The following CENPW variants were observed in gnomAD, a reference collection of about 807,000 sequenced individuals.
CENPW encodes the protein cancer-up-regulated gene 2 protein.
A neutral mutation model predicts 11.1 loss-of-function variants in CENPW; 3 were observed. The ratio of observed to expected loss-of-function variants is 0.27; its 90% CI spans 0.12 to 0.70. CENPW has a LOEUF of 0.70. Ranked by LOEUF, CENPW falls within the 30% of genes least tolerant of loss-of-function variation. The pLI is 0.77. For synonymous variants in CENPW, 38 were observed against 42.0 expected (o/e 0.91, Z 0.37); for missense variants, 100 against 105.6 (o/e 0.95, Z 0.23).
chr6:126,350,448 T>C (rs1780479035), downstream of CENPW, among the ~76,000 whole-genome samples: 1 of 152,126 alleles, frequency 6.6e-6, no homozygotes, highest in Non-Finnish European at 1.5e-5. Flanking sequence ...CTGCCTCCTT[T>C]TAAAGGACAT....
At chr6:126,344,058 T>C (rs370624646) in intron 1 of CENPW, among the ~76,000 whole-genome samples, 16 of 152,224 alleles carry the variant, frequency 1.1e-4, no homozygotes, top group African/African-American at 3.9e-4. Flanking sequence ...TCTGGGGAGA[T>C]GTAGTGGGGT....
the CENPW span, among the ~76,000 whole-genome samples, chr6:126,392,667 C>T: frequency 6.6e-6 from 1 of 151,782 alleles, no homozygotes; most frequent in African/African-American, 2.4e-5. Context: ...GGTCATGGAT[C>T]TTTTTAGTGT....
At chr6:126,421,571 T>A in the CENPW span, among the ~76,000 whole-genome samples, 33 of 141,600 alleles carry the variant, frequency 2.3e-4, no homozygotes, top group South Asian at 7.8e-4. Context: ...TAGCACCTTT[T>A]CTAACACTTT....
the CENPW span, among the ~76,000 whole-genome samples, chr6:126,379,908 C>A: frequency 2.0e-4 from 31 of 152,084 alleles, no homozygotes; most frequent in African/African-American, 7.5e-4. Flanking sequence ...TTTTATTTTT[C>A]TCTGTTTCTT....
At chr6:126,350,160 A>G (rs1209080269), downstream of CENPW, among the ~76,000 whole-genome samples, 1 of 152,076 alleles carries the variant, frequency 6.6e-6, no homozygotes, top group Non-Finnish European at 1.5e-5. Context: ...TAATGTTACT[A>G]TTTTTTAGTT....
intron 1 of CENPW, among the ~76,000 whole-genome samples, chr6:126,340,890 G>A (rs1240238167): frequency 4.6e-5 from 7 of 151,840 alleles, no homozygotes; most frequent in Admixed American, 4.6e-4. Flanking sequence ...GGCTCCCTCC[G>A]TCTCTCCTCT....
chr6:126,448,865 T>G, the CENPW span, among the ~76,000 whole-genome samples: 5 of 151,174 alleles, frequency 3.3e-5, no homozygotes, highest in Admixed American at 3.3e-4. Context: ...AAAAGTCGGT[T>G]AAGAACCAAT....
the CENPW span, among the ~76,000 whole-genome samples, chr6:126,435,563 C>G: frequency 6.6e-6 from 1 of 151,770 alleles, no homozygotes; most frequent in South Asian, 2.1e-4. Context: ...TGTTGTGAAA[C>G]TTAGGTAATT....
At chr6:126,418,170 T>C in the CENPW span, among the ~76,000 whole-genome samples, 1 of 152,214 alleles carries the variant, frequency 6.6e-6, no homozygotes, top group African/African-American at 2.4e-5. Context: ...GTGCGTCTAC[T>C]TTGTGCAGTA....
the CENPW span, among the ~76,000 whole-genome samples, chr6:126,357,951 C>T: frequency 1.3e-5 from 2 of 152,088 alleles, no homozygotes; most frequent in African/African-American, 4.8e-5. Context: ...AGCTGTATTC[C>T]TAGGTATTAC....
the CENPW span, among the ~76,000 whole-genome samples, chr6:126,367,987 A>C: frequency 6.6e-6 from 1 of 152,206 alleles, no homozygotes; most frequent in Non-Finnish European, 1.5e-5. Context: ...GGATGTTAAG[A>C]TATGTTATGA....
chr6:126,417,441 G>A, the CENPW span, among the ~76,000 whole-genome samples: 8 of 152,184 alleles, frequency 5.3e-5, no homozygotes, highest in East Asian at 1.5e-3. Flanking sequence ...GAGGACATGA[G>A]ATTTGGGAGG....
chr6:126,423,607 T>G, the CENPW span, among the ~76,000 whole-genome samples: 7 of 151,964 alleles, frequency 4.6e-5, no homozygotes, highest in African/African-American at 1.7e-4. Flanking sequence ...AAAGATGTTA[T>G]GTGTGGTGGA....
chr6:126,384,344 A>G, the CENPW span, among the ~76,000 whole-genome samples: 1 of 152,142 alleles, frequency 6.6e-6, no homozygotes, highest in African/African-American at 2.4e-5. Flanking sequence ...AAAGATAGCA[A>G]AGCAGGAGGC....
the CENPW span, among the ~76,000 whole-genome samples, chr6:126,396,981 G>A: frequency 6.6e-6 from 1 of 151,874 alleles, no homozygotes; most frequent in Non-Finnish European, 1.5e-5. Flanking sequence ...GCAGAAAGAG[G>A]GAGTCACTTT....
chr6:126,418,825 G>A, the CENPW span, among the ~76,000 whole-genome samples: 1 of 150,152 alleles, frequency 6.7e-6, no homozygotes, highest in Non-Finnish European at 1.5e-5. Context: ...GCAAACTATC[G>A]CAAGGACAAA....
the CENPW span, among the ~76,000 whole-genome samples, chr6:126,441,655 C>G: frequency 6.6e-6 from 1 of 151,576 alleles, no homozygotes; most frequent in African/African-American, 2.4e-5. Flanking sequence ...ATTCTCATGC[C>G]TTTGCATCCT....
chr6:126,343,964 G>A (rs1283795536), intron 1 of CENPW, among the ~76,000 whole-genome samples: 1 of 152,094 alleles, frequency 6.6e-6, no homozygotes, highest in Non-Finnish European at 1.5e-5. Flanking sequence ...AAGAGGAAAG[G>A]GTATTCCATC....
the CENPW span, among the ~76,000 whole-genome samples, chr6:126,406,101 G>A: frequency 5.9e-4 from 89 of 152,130 alleles, no homozygotes; most frequent in Non-Finnish European, 1.1e-3. Context: ...TGTCATATAC[G>A]TCCTTAATTG....
Sources: allele counts gnomAD v4.1 joint callset (sites outside exome capture counted in the v4.1 genomes callset), GRCh38; gene constraint gnomAD v4.1.1; transcripts MANE v1.5; gene names NCBI Gene and HGNC (gene_info 2026-07-23, HGNC 2026-07-21).